Variants in WNT16 observed in about 807,000 individuals in gnomAD.
WNT16 encodes Wnt family member 16.
A neutral mutation model predicts 35.4 loss-of-function variants in WNT16; 20 were observed. That is an observed-to-expected ratio of 0.56 (90% CI 0.40 to 0.82). The LOEUF is 0.82. WNT16 is among the 40% of genes least tolerant of loss of function. The probability of loss-of-function intolerance (pLI) is 0.00; values close to 1 mark genes in which losing one functional copy is unlikely to be tolerated. For missense variants in WNT16, 461 were observed against 466.0 expected, an observed-to-expected ratio of 0.99 and a Z score of 0.10; for synonymous variants, 180 against 179.2, an observed-to-expected ratio of 1.00 and a Z score of -0.03.
chr7:121,333,623 G>A (rs1209875280), intron 3 of WNT16, among the ~76,000 whole-genome samples: 1 of 151,820 alleles, frequency 6.6e-6, no homozygotes, highest in African/African-American at 2.4e-5. Flanking sequence ...ATTATTTCTA[G>A]CATATTAATT....
chr7:121,329,165 T>G lies in WNT16; in HGVS notation c.-128T>G. 7.0e-7 allele frequency: 1 copy of G among 1,423,250 alleles called. No individual in the cohort carries two copies. Among genetic ancestry groups the G allele is most frequent in the Non-Finnish European group, 9.2e-7 (1 of 1,092,002 alleles). 88.2% of individuals were successfully genotyped at this position (1,423,250 alleles called of 1,614,324 possible). A position where few individuals can be genotyped will look rare whatever the true frequency, so the allele number is the denominator to read the frequency against. On this transcript the variant is annotated 5_prime_UTR_variant, in exon 1 of 4. The change abolishes an upstream ATG in the 5' untranslated region. Transcript: ENST00000222462. ...GTCCCTATCACTGCTGGCCTTTTAA[T>G]GTTGTATGCAAGGAGGAAGAGGGCG...
intron 3 of WNT16, among the ~76,000 whole-genome samples, chr7:121,337,675 G>C (rs1412185282): frequency 6.6e-6 from 1 of 152,188 alleles, no homozygotes; most frequent in African/African-American, 2.4e-5. Flanking sequence ...GTATGTAAGA[G>C]ATTAGAGCCC....
At chr7:121,325,440 G>A (rs759127990), upstream of WNT16, 1 of 1,613,712 alleles carries the variant, frequency 6.2e-7, no homozygotes, top group Non-Finnish European at 8.5e-7. Context: ...TTGCCTCAGG[G>A]AGACCCTCTT....
At position 121,329,223 on chromosome 7, in the gene WNT16, G is replaced by C; in HGVS notation, c.-70G>C. 6.8e-7 allele frequency: 1 copy of C among 1,462,446 alleles called. No homozygotes were observed. The highest frequency in any genetic ancestry group is 9.0e-7 in the Non-Finnish European group (1 of 1,108,926). 90.6% of individuals were successfully genotyped at this position (1,462,446 alleles called of 1,614,324 possible). A position where few individuals can be genotyped will look rare whatever the true frequency, so the allele number is the denominator to read the frequency against. On this transcript the variant is annotated 5_prime_UTR_variant, in exon 1 of 4. Coordinates refer to ENST00000222462, the MANE Select transcript of WNT16 (RefSeq NM_057168.2). ...ACTTGGTGCTGGACAACTGACCTGC[G>C]GCCCGAAGGGCCTCTGGGGAGGGGG...
upstream of WNT16, among the ~76,000 whole-genome samples, chr7:121,328,846 G>A (rs561298533): frequency 2.0e-5 from 3 of 152,306 alleles, no homozygotes; most frequent in African/African-American, 7.2e-5. Flanking sequence ...GCCAGTGCCC[G>A]GAGCGCCCCC....
At chr7:121,335,303 G>A (rs901965601) in intron 3 of WNT16, among the ~76,000 whole-genome samples, 4 of 152,088 alleles carry the variant, frequency 2.6e-5, no homozygotes, top group African/African-American at 4.8e-5. Flanking sequence ...CTTCTCAAGC[G>A]GTTTCTATGT....
In WNT16 at chr7:121,339,944, A is replaced by G. The variant is rs1400736803; in HGVS notation, c.*599A>G. 1 of 153,216 alleles carries G rather than the reference A, an allele frequency of 6.5e-6. No individual in the cohort carries two copies. Among genetic ancestry groups the G allele is most frequent in the African/African-American group, 2.4e-5 (1 of 41,508 alleles). The allele number at this position is 153,216 out of a possible 1,614,324, so 9.5% of individuals were successfully genotyped here. A position where few individuals can be genotyped will look rare whatever the true frequency, so the allele number is the denominator to read the frequency against. ...ATCAAAAAGAATCTTCTTAAGTGAT[A>G]TAATATCCCTAAAAAAATGATCATT... On this transcript the variant is annotated 3_prime_UTR_variant, in exon 4 of 4. Transcript: ENST00000222462.
intron 2 of WNT16, 89 bp downstream of exon 2, chr7:121,329,906 G>A (rs1793311997): frequency 3.3e-6 from 5 of 1,513,832 alleles, no homozygotes; most frequent in African/African-American, 1.5e-5. Flanking sequence ...AGTGCTACGT[G>A]GTCCTGTAGC....
Position 121,338,863 on chromosome 7 carries a change from A to G in WNT16, c.634-18A>G, listed in dbSNP as rs772680164. 3.1e-6 allele frequency: 5 copies of G among 1,604,316 alleles called. No individual in the cohort carries two copies. Among genetic ancestry groups the G allele is most frequent in the Non-Finnish European group, 4.3e-6 (5 of 1,175,118 alleles). On this transcript the variant is annotated intron_variant, in intron 3 of 3. Transcript: ENST00000222462. ...CACTTTATGATTGATAGTTGAACAC[A>G]ATTACTGTTGGTTTCAGGCTGTCGC...
rs545861975 is a variant in WNT16, at chr7:121,330,461, C to T, written c.346+644C>T. ...CTGCAGGAAAACAAAGTTCCACTTC[C>T]ACGTGCGTAGTGACTTGGTAAGGAT... On this transcript the variant is annotated intron_variant, in intron 2 of 3. Transcript: ENST00000222462. Among the ~76,000 whole-genome samples the T allele has an allele frequency of 6.6e-5, 10 of 152,308 alleles. No homozygotes were observed. The East Asian group carries it at 1.7e-3, about 26-fold the overall frequency.
intron 2 of WNT16, among the ~76,000 whole-genome samples, chr7:121,330,186 C>A (rs1316619486): frequency 6.6e-6 from 1 of 152,222 alleles, no homozygotes; most frequent in Non-Finnish European, 1.5e-5. Context: ...GCGGGGAATG[C>A]GGCTGCCGCA....
rs377091676 is a variant in WNT16, at chr7:121,329,362, C to A, written c.70C>A (p.Pro24Thr). 1.2e-5 allele frequency: 19 copies of A among 1,609,878 alleles called. No homozygotes were observed. The highest frequency in any genetic ancestry group is 7.7e-5 in the South Asian group (7 of 90,482). ...ALWAALLVLF[P>T]YGAQGNWMWL... ...GTGGGCAGCCCTGCTCGTGCTGTTC[C>A]CCTACGGAGCCCAAGGAAACTGGAT... The change falls in exon 1 of 4, where the codon CCC becomes ACC. Residue 24 changes from proline to threonine, a missense_variant. Transcript: ENST00000222462.
In WNT16 at chr7:121,331,895, A is replaced by T; in HGVS notation, c.564A>T (p.Gly188=). The T allele has an allele frequency of 6.2e-7, 1 of 1,614,206 alleles. No individual in the cohort carries two copies. Among genetic ancestry groups the T allele is most frequent in the Non-Finnish European group, 8.5e-7 (1 of 1,180,038 alleles). ...FSRKFLDFPI[G]NTTGKENKVL... ...GAAAGTTCCTAGATTTCCCCATCGGAAACACCACGGGCAAAGAAAACAAAG... is the reference window on the plus strand; with the variant it reads ...GAAAGTTCCTAGATTTCCCCATCGGTAACACCACGGGCAAAGAAAACAAAG... The change falls in exon 3 of 4, where the codon GGA becomes GGT. Residue 188 remains glycine, a synonymous_variant. Transcript: ENST00000222462.
In WNT16 at chr7:121,339,127, T is replaced by G; in HGVS notation, c.880T>G (p.Cys294Gly). 2 of 1,614,174 alleles carry G rather than the reference T, an allele frequency of 1.2e-6. No individual in the cohort carries two copies. Among genetic ancestry groups the G allele is most frequent in the East Asian group, 4.5e-5 (2 of 44,886 alleles). ...CTATGTTAATAAGTCTCCCAACTAC[T>G]GTGTAGAAGATAAGAAACTGGGAAT... ...LLYVNKSPNY[C>G]VEDKKLGIPG... The change falls in exon 4 of 4, where the codon TGT becomes GGT. Residue 294 changes from cysteine to glycine, a missense_variant. Coordinates refer to ENST00000222462, the MANE Select transcript of WNT16 (RefSeq NM_057168.2).
rs1301589830 is a variant in WNT16, at chr7:121,339,952, C to T, written c.*607C>T. 6.6e-6 allele frequency: 1 copy of T among 152,386 alleles called. No individual in the cohort carries two copies. Among genetic ancestry groups the T allele is most frequent in the African/African-American group, 2.4e-5 (1 of 41,304 alleles). The allele number at this position is 152,386 out of a possible 1,614,324, so 9.4% of individuals were successfully genotyped here. A position where few individuals can be genotyped will look rare whatever the true frequency, so the allele number is the denominator to read the frequency against. On this transcript the variant is annotated 3_prime_UTR_variant, in exon 4 of 4. Transcript: ENST00000222462. ...GAATCTTCTTAAGTGATATAATATC[C>T]CTAAAAAAATGATCATTACAGATGT...
At chr7:121,333,334 G>A (rs185549987) in intron 3 of WNT16, among the ~76,000 whole-genome samples, 18 of 151,718 alleles carry the variant, frequency 1.2e-4, no homozygotes, top group African/African-American at 4.3e-4. Flanking sequence ...CAGAAAAGTC[G>A]GTAAATATAT....
chr7:121,326,376 C>T (rs1183698684), upstream of WNT16, among the ~76,000 whole-genome samples: 2 of 152,176 alleles, frequency 1.3e-5, no homozygotes, highest in Non-Finnish European at 2.9e-5. Context: ...GAGATATGGA[C>T]AGAATGACCC....
intron 2 of WNT16, 34 bp downstream of exon 2, chr7:121,329,851 C>T (rs747221714): frequency 1.0e-5 from 16 of 1,588,660 alleles, no homozygotes; most frequent in East Asian, 2.2e-5. Context: ...TGGTGGGGGA[C>T]GGAAGGCGAC....
chr7:121,338,760 CCAT>C, intron 3 of WNT16, 118 bp from the exon 4 acceptor site: 1 of 861,282 alleles, frequency 1.2e-6, no homozygotes, highest in East Asian at 2.6e-5. Context: ...ACGTTCAAAA[CCAT>C]CATTTTTATT....
Sources: gnomAD v4.1 joint callset for allele counts (sites outside exome capture counted in the v4.1 genomes callset) on GRCh38, gnomAD v4.1.1 for gene constraint, MANE v1.5 for transcripts, NCBI Gene and HGNC (gene_info 2026-07-23, HGNC 2026-07-21) for gene names.